The following RUNX1 variants were observed in gnomAD, a reference collection of about 807,000 sequenced individuals.
The protein encoded by RUNX1 is RUNX family transcription factor 1.
In RUNX1, 19 loss-of-function variants were observed where a neutral mutation model predicts 42.8. That is an observed-to-expected ratio of 0.44 (90% CI 0.31 to 0.65). The LOEUF is 0.65. Ranked by LOEUF, RUNX1 falls within the 30% of genes least tolerant of loss-of-function variation. RUNX1 has a pLI of 0.07. For missense variants in RUNX1, 528 were observed against 672.0 expected, an observed-to-expected ratio of 0.79 and a Z score of 2.37; for synonymous variants, 271 against 289.4, an observed-to-expected ratio of 0.94 and a Z score of 0.64.
At position 34,995,201 on chromosome 21, in the gene RUNX1, G is replaced by A. The variant is rs1161488719; in HGVS notation, c.58+53641C>T. 2.0e-5 allele frequency among the ~76,000 whole-genome samples: 3 copies of A among 152,114 alleles called. No homozygotes were observed. The East Asian group carries it at 5.8e-4, about 29-fold the overall frequency. ...TTGTGAGGCCACTATGTCCCCTTTG[G>A]CCCTACACATCAGACTCCACCCTTC... is the stretch of plus-strand genomic sequence containing the variant. On this transcript the variant is annotated intron_variant, in intron 2 of 8. Transcript: ENST00000675419.
At chr21:34,820,740 C>A (rs182124407) in intron 7 of RUNX1, among the ~76,000 whole-genome samples, 3 of 152,058 alleles carry the variant, frequency 2.0e-5, no homozygotes, top group Non-Finnish European at 4.4e-5. Flanking sequence ...AACCATGGGA[C>A]CTAGCATCTC....
At chr21:34,943,175 C>T (rs754755532) in intron 2 of RUNX1, among the ~76,000 whole-genome samples, 7 of 152,206 alleles carry the variant, frequency 4.6e-5, no homozygotes, top group Non-Finnish European at 8.8e-5. Flanking sequence ...TGAAAACAAA[C>T]TAATTTCATT....
intron 2 of RUNX1, among the ~76,000 whole-genome samples, chr21:35,008,675 G>A (rs1367758702): frequency 1.3e-5 from 2 of 152,234 alleles, no homozygotes; most frequent in Non-Finnish European, 2.9e-5. Flanking sequence ...TTCTATAGCA[G>A]TGAGCCCAGA....
Position 34,834,524 on chromosome 21 carries a change from G to T in RUNX1, c.691C>A (p.Leu231Met). The T allele has an allele frequency of 6.2e-7, 1 of 1,613,242 alleles. No individual in the cohort carries two copies. Among genetic ancestry groups the T allele is most frequent in the African/African-American group, 1.3e-5 (1 of 74,940 alleles). The change falls in exon 7 of 9, where the codon CTG becomes ATG. Residue 231 changes from leucine (L) to methionine (M), a missense_variant. Around this residue, in one of 3 missense-constraint regions of RUNX1, gnomAD observed 331 missense variants for 382.5 expected, o/e 0.87. Transcript: ENST00000675419. ...FSERLSELEQ[L>M]RRTAMRVSPH... is the part of the protein sequence containing the mutation. Reference sequence around the variant, plus strand: ...CTGACCCTCATGGCTGTGCGCCGCAGCTGCTCCAGTTCACTGAGCCGCTCG... The same window carrying T: ...CTGACCCTCATGGCTGTGCGCCGCATCTGCTCCAGTTCACTGAGCCGCTCG...
chr21:34,950,059 T>C (rs542984110), intron 2 of RUNX1, among the ~76,000 whole-genome samples: 1 of 152,326 alleles, frequency 6.6e-6, no homozygotes, highest in East Asian at 1.9e-4. Context: ...AATTAAATGA[T>C]TGTTATAGTT....
rs2057295356 is a variant in RUNX1, at chr21:34,844,937, C to T, written c.614-10336G>A. Among the ~76,000 whole-genome samples, 3 of 152,220 alleles carry T rather than the reference C, an allele frequency of 2.0e-5. No homozygotes were observed. In the South Asian group the frequency reaches 6.2e-4, roughly 32 times the overall value. ...TCCTGAGTACTCACTAGTACAAAAG[C>T]CAACCGCAGCAAGTTGTTTTGAACA... is the stretch of plus-strand genomic sequence containing the variant. On this transcript the variant is annotated intron_variant, in intron 6 of 8. Transcript: ENST00000675419.
intron 3 of RUNX1, chr21:34,888,307 G>C (rs2058027555): frequency 6.6e-6 from 7 of 1,067,566 alleles, no homozygotes; most frequent in South Asian, 4.5e-5. Flanking sequence ...AGATCGGGCG[G>C]CTCGGGTTAC....
intron 4 of RUNX1, among the ~76,000 whole-genome samples, chr21:34,881,164 T>A (rs569296044): frequency 2.6e-5 from 4 of 152,228 alleles, no homozygotes; most frequent in Non-Finnish European, 5.9e-5. Context: ...TTCTCCCGTT[T>A]GAGAAACAGA....
At chr21:34,817,870 G>T (rs948807264) in intron 7 of RUNX1, among the ~76,000 whole-genome samples, 9 of 152,178 alleles carry the variant, frequency 5.9e-5, no homozygotes, top group Admixed American at 3.9e-4. Context: ...AAGGACTCCT[G>T]CCCGGGGCCG....
chr21:34,876,648 T>C (rs1286149641), intron 5 of RUNX1, among the ~76,000 whole-genome samples: 1 of 152,204 alleles, frequency 6.6e-6, no homozygotes, highest in African/African-American at 2.4e-5. Flanking sequence ...AAAAATCATA[T>C]TCTAAGAAAA....
At chr21:35,026,438 C>A (rs140640053) in intron 2 of RUNX1, among the ~76,000 whole-genome samples, 6 of 152,364 alleles carry the variant, frequency 3.9e-5, no homozygotes, top group African/African-American at 1.2e-4. Flanking sequence ...GAAAAGCAAT[C>A]TGGATATTGC....
chr21:34,796,686 C>T (rs535181588), intron 8 of RUNX1, among the ~76,000 whole-genome samples: 5 of 152,270 alleles, frequency 3.3e-5, no homozygotes, highest in African/African-American at 1.2e-4. Context: ...TCCTACTGCC[C>T]CCAGAGGATT....
intron 6 of RUNX1, among the ~76,000 whole-genome samples, chr21:34,836,158 T>C (rs548973975): frequency 1.3e-5 from 2 of 152,338 alleles, no homozygotes; most frequent in African/African-American, 4.8e-5. Context: ...CCTCTTGTCA[T>C]GTGTCACCAA....
chr21:34,832,972 A>G (rs1356631000), intron 7 of RUNX1: 1 of 152,208 alleles, frequency 6.6e-6, no homozygotes, highest in African/African-American at 2.4e-5. Context: ...TTCTGGAAAG[A>G]TTTATTTGGA....
intron 7 of RUNX1, among the ~76,000 whole-genome samples, chr21:34,802,469 T>C (rs1342045381): frequency 6.6e-6 from 1 of 152,228 alleles, no homozygotes; most frequent in African/African-American, 2.4e-5. Flanking sequence ...TACTGGGTGT[T>C]GCTTCATTCA....
Position 35,038,648 on chromosome 21 carries a change from A to T in RUNX1, c.58+10194T>A, listed in dbSNP as rs62641634. ...GTGTGTGTGTGTGTGTGTGTGTGTG[A>T]GATAGAGAGAGAGAGAGAGAGAGAC... is the stretch of plus-strand genomic sequence containing the variant. On this transcript the variant is annotated intron_variant, in intron 2 of 8. Coordinates refer to ENST00000675419, the MANE Select transcript of RUNX1 (RefSeq NM_001754.5). 6.5e-3 allele frequency: 2,762 copies of T among 425,318 alleles called. 35 individuals carry two copies. The highest frequency in any genetic ancestry group is 0.04 in the African/African-American group (1,691 of 42,590). The allele number at this position is 425,318 out of a possible 1,614,324, so 26.3% of individuals were successfully genotyped here. A position where few individuals can be genotyped will look rare whatever the true frequency, so the allele number is the denominator to read the frequency against.
chr21:34,981,429 G>T, intron 2 of RUNX1, among the ~76,000 whole-genome samples: 1 of 152,182 alleles, frequency 6.6e-6, no homozygotes, highest in East Asian at 1.9e-4. Context: ...AAGAAACATT[G>T]AGCAAATAAA....
chr21:34,923,831 C>T lies in RUNX1; in HGVS notation c.59-30868G>A, dbSNP rs1023782904. 4.4e-5 allele frequency among the ~76,000 whole-genome samples: 5 copies of T among 114,226 alleles called. 1 individual carries two copies. Among genetic ancestry groups the T allele is most frequent in the Middle Eastern group, 8.7e-3 (2 of 230 alleles). 74.9% of individuals were successfully genotyped at this position (114,226 alleles called of 152,430 possible). The stretch of plus-strand genomic sequence containing the variant: ...CTGGAGTTTACTTAGTAGATCTCTT[C>T]GATTTGGCCTTGACTCCCACCTTGC... On this transcript the variant is annotated intron_variant, in intron 2 of 8. Coordinates refer to ENST00000675419, the MANE Select transcript of RUNX1 (RefSeq NM_001754.5).
At chr21:35,037,924 C>CTTTTTT (rs35525288) in intron 2 of RUNX1, among the ~76,000 whole-genome samples, 3 of 146,484 alleles carry the variant, frequency 2.0e-5, no homozygotes, top group African/African-American at 2.5e-5. Context: ...GCAGACATTT[C>CTTTTTT]TTTTTTTTTT....
Sources: gnomAD v4.1 joint callset for allele counts (sites outside exome capture counted in the v4.1 genomes callset) on GRCh38, gnomAD v4.1.1 for gene constraint, gnomAD v4.1.1 regional missense constraint, MANE v1.5 for transcripts, NCBI Gene and HGNC (gene_info 2026-07-23, HGNC 2026-07-21) for gene names.